The following NMNAT2 variants were observed in gnomAD, a reference collection of about 807,000 sequenced individuals.
NMNAT2 encodes the protein nicotinamide nucleotide adenylyltransferase 2.
Under a neutral mutation model 41.6 loss-of-function variants are expected in NMNAT2, and 11 were observed. The observed-to-expected ratio is 0.26, with a 90% CI of 0.17 to 0.44. The LOEUF (loss-of-function observed/expected upper bound fraction) is 0.44, where lower values mean the gene tolerates loss of function less well. Ranked by LOEUF, NMNAT2 falls within the 20% of genes least tolerant of loss-of-function variation. The probability of loss-of-function intolerance (pLI) is 1.00; values close to 1 mark genes in which losing one functional copy is unlikely to be tolerated. For missense variants in NMNAT2, 288 were observed against 407.7 expected, an observed-to-expected ratio of 0.71 and a Z score of 2.53; for synonymous variants, 148 against 151.2, an observed-to-expected ratio of 0.98 and a Z score of 0.16.
chr1:183,401,335 C>T (rs1648802484), intron 1 of NMNAT2, among the ~76,000 whole-genome samples: 1 of 152,192 alleles, frequency 6.6e-6, no homozygotes, highest in Non-Finnish European at 1.5e-5. Flanking sequence ...CACTGGCCAT[C>T]AGAGAAATGC....
chr1:183,254,492 G>T (rs992722054), intron 10 of NMNAT2, among the ~76,000 whole-genome samples: 1 of 152,044 alleles, frequency 6.6e-6, no homozygotes, highest in Non-Finnish European at 1.5e-5. Flanking sequence ...AGGCTGGAGT[G>T]CAGTAGTGAG....
intron 7 of NMNAT2, among the ~76,000 whole-genome samples, chr1:183,279,119 T>G (rs956586738): frequency 2.0e-5 from 3 of 152,128 alleles, no homozygotes; most frequent in Non-Finnish European, 2.9e-5. Context: ...GAGTGTACCT[T>G]GAGGTAGCTG....
At chr1:183,411,009 C>G (rs141787476) in intron 1 of NMNAT2, among the ~76,000 whole-genome samples, 7 of 152,118 alleles carry the variant, frequency 4.6e-5, no homozygotes, top group Non-Finnish European at 1.0e-4. Flanking sequence ...TGAGCCACCA[C>G]GCCCAGCCAA....
intron 8 of NMNAT2, among the ~76,000 whole-genome samples, chr1:183,265,553 C>T (rs928759487): frequency 6.6e-6 from 1 of 152,132 alleles, no homozygotes; most frequent in African/African-American, 2.4e-5. Flanking sequence ...GTGTGAGCCA[C>T]CATGCCCGGC....
At chr1:183,414,987 A>G (rs1649215244) in intron 1 of NMNAT2, among the ~76,000 whole-genome samples, 1 of 152,124 alleles carries the variant, frequency 6.6e-6, no homozygotes, top group African/African-American at 2.4e-5. Flanking sequence ...GCTTGAAAAA[A>G]AATTTTTAAG....
chr1:183,339,422 G>T (rs1474548121), intron 1 of NMNAT2, among the ~76,000 whole-genome samples: 1 of 152,086 alleles, frequency 6.6e-6, no homozygotes, highest in African/African-American at 2.4e-5. Flanking sequence ...AGTCCTCAGG[G>T]ATGGGTACCC....
chr1:183,344,298 T>C (rs1025477384), intron 1 of NMNAT2, among the ~76,000 whole-genome samples: 1 of 152,190 alleles, frequency 6.6e-6, no homozygotes, highest in Non-Finnish European at 1.5e-5. Flanking sequence ...AGGGGTGAAG[T>C]AGCCTGTCCC....
intron 1 of NMNAT2, among the ~76,000 whole-genome samples, chr1:183,347,440 A>G (rs1662955823): frequency 6.6e-6 from 1 of 152,130 alleles, no homozygotes; most frequent in African/African-American, 2.4e-5. Context: ...TGGGTGACAG[A>G]GCAAGACCCT....
At chr1:183,357,641 T>C (rs1289881498) in intron 1 of NMNAT2, among the ~76,000 whole-genome samples, 1 of 152,238 alleles carries the variant, frequency 6.6e-6, no homozygotes, top group East Asian at 1.9e-4. Flanking sequence ...GCGTTCTTTT[T>C]TCTCCACAAC....
chr1:183,417,186 G>C (rs1420831576), intron 1 of NMNAT2, among the ~76,000 whole-genome samples: 4 of 152,062 alleles, frequency 2.6e-5, no homozygotes, highest in Admixed American at 2.0e-4. Context: ...GCTTCCCACC[G>C]GTGGCGCGAG....
At chr1:183,394,199 A>T (rs1376525477) in intron 1 of NMNAT2, among the ~76,000 whole-genome samples, 1 of 152,228 alleles carries the variant, frequency 6.6e-6, no homozygotes, top group African/African-American at 2.4e-5. Flanking sequence ...GTGATGCTAC[A>T]AATTGTATTA....
intron 1 of NMNAT2, among the ~76,000 whole-genome samples, chr1:183,331,171 T>A (rs1434863305): frequency 6.6e-6 from 1 of 151,976 alleles, no homozygotes; most frequent in South Asian, 2.1e-4. Context: ...GCATGTGAAA[T>A]CATGAGGGGC....
chr1:183,268,574 C>A (rs1301352302), intron 8 of NMNAT2, among the ~76,000 whole-genome samples: 1 of 152,176 alleles, frequency 6.6e-6, no homozygotes, highest in African/African-American at 2.4e-5. Flanking sequence ...ATGAGCTGAA[C>A]TCCTCCAACC....
chr1:183,274,466 C>A (rs1661073139), intron 8 of NMNAT2, among the ~76,000 whole-genome samples: 1 of 151,874 alleles, frequency 6.6e-6, no homozygotes, highest in South Asian at 2.1e-4. Context: ...TGCCCGCCAC[C>A]ATGCCCGGCT....
At chr1:183,355,156 A>G (rs1345554510) in intron 1 of NMNAT2, among the ~76,000 whole-genome samples, 1 of 151,540 alleles carries the variant, frequency 6.6e-6, no homozygotes, top group East Asian at 1.9e-4. Context: ...CCTTGCATCC[A>G]CCTTTCTCAC....
At chr1:183,269,708 A>T (rs908492383) in intron 8 of NMNAT2, among the ~76,000 whole-genome samples, 4 of 152,228 alleles carry the variant, frequency 2.6e-5, no homozygotes, top group African/African-American at 9.7e-5. Context: ...TATGTGCCTC[A>T]GTTCTTATTT....
intron 1 of NMNAT2, among the ~76,000 whole-genome samples, chr1:183,381,732 A>G (rs1663807334): frequency 1.3e-5 from 2 of 152,204 alleles, no homozygotes; most frequent in Admixed American, 6.5e-5. Flanking sequence ...TAAATGAGTA[A>G]AATGATAACT....
intron 1 of NMNAT2, among the ~76,000 whole-genome samples, chr1:183,334,699 G>A (rs1321276412): frequency 6.7e-6 from 1 of 150,052 alleles, no homozygotes; most frequent in East Asian, 2.0e-4. Flanking sequence ...TAGTGGAGAT[G>A]GGGTTTCACC....
intron 1 of NMNAT2, among the ~76,000 whole-genome samples, chr1:183,296,816 A>T (rs1028296043): frequency 6.6e-6 from 1 of 152,056 alleles, no homozygotes; most frequent in Non-Finnish European, 1.5e-5. Flanking sequence ...ACCCAGCCCC[A>T]TATTTGCTTT....
Sources: allele counts gnomAD v4.1 joint callset (sites outside exome capture counted in the v4.1 genomes callset), GRCh38; gene constraint gnomAD v4.1.1; transcripts MANE v1.5; gene names NCBI Gene and HGNC (gene_info 2026-07-23, HGNC 2026-07-21).